The following NARS2 variants were observed in gnomAD, a reference collection of about 807,000 sequenced individuals.
NARS2 encodes the protein asparaginyl-tRNA synthetase.
Under a neutral mutation model 62.9 loss-of-function variants are expected in NARS2, and 60 were observed. The ratio of observed to expected loss-of-function variants is 0.95; its 90% CI spans 0.77 to 1.18. NARS2 has a LOEUF of 1.18. Among genes scored for constraint, NARS2 ranks in the 50% most tolerant of loss-of-function variants. The pLI is 0.00. For missense variants in NARS2, 619 were observed against 576.4 expected (o/e 1.07, Z -0.76); for synonymous variants, 196 against 200.0 (o/e 0.98, Z 0.17).
chr11:78,495,616 T>C (rs1180009880), intron 6 of NARS2, among the ~76,000 whole-genome samples: 3 of 152,200 alleles, frequency 2.0e-5, no homozygotes, highest in Admixed American at 6.5e-5. Context: ...TGAGTACTAA[T>C]GATGATGACA....
intron 13 of NARS2, among the ~76,000 whole-genome samples, chr11:78,439,329 G>T (rs571731023): frequency 6.6e-6 from 1 of 152,042 alleles, no homozygotes; most frequent in Non-Finnish European, 1.5e-5. Flanking sequence ...GTGAGCCACC[G>T]CACCCACGGT....
intron 7 of NARS2, among the ~76,000 whole-genome samples, chr11:78,489,966 G>C (rs1859745670): frequency 6.6e-6 from 1 of 152,068 alleles, no homozygotes; most frequent in Admixed American, 6.6e-5. Flanking sequence ...TGAGCCCCAG[G>C]AGTTCATGGC....
In NARS2 at chr11:78,477,782, T is replaced by C. The variant is rs11237517; in HGVS notation, c.959+656A>G. ...TCTCCTCCTGAGAAAGAAGGAATTCTGCCAGCAGACTGCCTTTGGACTTGA... is the reference window on the plus strand; with the variant it reads ...TCTCCTCCTGAGAAAGAAGGAATTCCGCCAGCAGACTGCCTTTGGACTTGA... On this transcript the variant is annotated intron_variant, in intron 9 of 13. Transcript: ENST00000281038. Among the ~76,000 whole-genome samples, 85 of 152,358 alleles carry C rather than the reference T, an allele frequency of 5.6e-4. 1 individual carries two copies. In the East Asian group the frequency reaches 0.016, roughly 29 times the overall value.
intron 5 of NARS2, among the ~76,000 whole-genome samples, chr11:78,549,470 A>G (rs1013907078): frequency 7.2e-5 from 11 of 152,222 alleles, no homozygotes; most frequent in African/African-American, 2.2e-4. Flanking sequence ...GCTCTCCAGA[A>G]TAGTGGTGGT....
At chr11:78,482,059 A>G (rs1300775274) in intron 7 of NARS2, among the ~76,000 whole-genome samples, 2 of 152,190 alleles carry the variant, frequency 1.3e-5, no homozygotes, top group Non-Finnish European at 2.9e-5. Flanking sequence ...GACTCATGAA[A>G]TTAGTCAGAA....
chr11:78,551,860 A>C (rs1382833561), intron 5 of NARS2, among the ~76,000 whole-genome samples: 2 of 152,020 alleles, frequency 1.3e-5, no homozygotes, highest in South Asian at 2.1e-4. Context: ...TCAAAAAAAA[A>C]CAAAAAACAA....
At position 78,478,680 on chromosome 11, in the gene NARS2, T is replaced by G. The variant is rs778276341; in HGVS notation, c.826A>C (p.Ile276Leu). The G allele has an allele frequency of 2.5e-6, 4 of 1,599,160 alleles. No homozygotes were observed. In the South Asian group the frequency reaches 4.5e-5, roughly 18 times the overall value. ...GTTGTAGCCTTGAACAGTTCCTCTATAACCTAAGAGAAATGAAATAGAATC... is the reference window on the plus strand; with the variant it reads ...GTTGTAGCCTTGAACAGTTCCTCTAGAACCTAAGAGAAATGAAATAGAATC... ...VDSLQDLMQV[I>L]EELFKATTMM... is the part of the protein sequence containing the mutation. Residue 276 changes from isoleucine to leucine, a missense_variant, in exon 8 of 14, where the codon ATA becomes CTA. Ile to Leu is a conservative substitution (Grantham distance 5). Coordinates refer to ENST00000281038, the MANE Select transcript of NARS2 (RefSeq NM_024678.6).
intron 3 of NARS2, among the ~76,000 whole-genome samples, chr11:78,566,474 T>G (rs962542942): frequency 1.3e-5 from 2 of 152,238 alleles, no homozygotes; most frequent in African/African-American, 2.4e-5. Context: ...CATGTAGGTT[T>G]GAATCTAGCT....
At chr11:78,484,839 T>A (rs187040921) in intron 7 of NARS2, among the ~76,000 whole-genome samples, 1 of 152,294 alleles carries the variant, frequency 6.6e-6, no homozygotes, top group African/African-American at 2.4e-5. Context: ...TTCTCAAGAA[T>A]CTAGAACCAG....
chr11:78,465,215 C>A (rs995708381), intron 11 of NARS2, among the ~76,000 whole-genome samples: 2 of 152,252 alleles, frequency 1.3e-5, no homozygotes, highest in Admixed American at 1.3e-4. Context: ...CCCGCCGAGC[C>A]CACACCCACC....
At position 78,531,143 on chromosome 11, in the gene NARS2, G is replaced by C. The variant is rs1367857335; in HGVS notation, c.595-2207C>G. Among the ~76,000 whole-genome samples, 3 of 152,100 alleles carry C rather than the reference G, an allele frequency of 2.0e-5. No homozygotes were observed. In the East Asian group the frequency reaches 5.8e-4, roughly 29 times the overall value. Reference sequence around the variant, plus strand: ...CACAGAAAAATAAAAGAAAAAAAATGAACAAAACTGTCAGAATCAATTGTG... The same window carrying C: ...CACAGAAAAATAAAAGAAAAAAAATCAACAAAACTGTCAGAATCAATTGTG... On this transcript the variant is annotated intron_variant, in intron 5 of 13. Coordinates refer to ENST00000281038, the MANE Select transcript of NARS2 (RefSeq NM_024678.6).
At chr11:78,535,619 G>A (rs1304240128) in intron 5 of NARS2, among the ~76,000 whole-genome samples, 1 of 151,168 alleles carries the variant, frequency 6.6e-6, no homozygotes, top group Non-Finnish European at 1.5e-5. Flanking sequence ...AACATTCAGA[G>A]ATCCAGAAAG....
intron 5 of NARS2, among the ~76,000 whole-genome samples, chr11:78,530,627 C>T (rs1472504811): frequency 6.6e-6 from 1 of 152,184 alleles, no homozygotes; most frequent in African/African-American, 2.4e-5. Context: ...CATTGGCCAA[C>T]ATGCCCAGCT....
intron 6 of NARS2, among the ~76,000 whole-genome samples, chr11:78,505,734 G>C (rs1457764147): frequency 3.3e-5 from 5 of 151,910 alleles, no homozygotes; most frequent in African/African-American, 7.3e-5. Flanking sequence ...AGACTAGCAG[G>C]GTCTTCCCTG....
At chr11:78,484,385 C>T (rs1859485137) in intron 7 of NARS2, among the ~76,000 whole-genome samples, 1 of 152,072 alleles carries the variant, frequency 6.6e-6, no homozygotes, top group Non-Finnish European at 1.5e-5. Flanking sequence ...CCAAAATTGA[C>T]AAATGGAATC....
intron 7 of NARS2, among the ~76,000 whole-genome samples, chr11:78,479,934 T>C (rs919924556): frequency 6.6e-6 from 1 of 152,242 alleles, no homozygotes; most frequent in Non-Finnish European, 1.5e-5. Flanking sequence ...GGTCTTGCTC[T>C]GTCACCCAGG....
intron 5 of NARS2, among the ~76,000 whole-genome samples, chr11:78,545,861 T>C (rs1446866497): frequency 6.6e-6 from 1 of 152,156 alleles, no homozygotes; most frequent in Non-Finnish European, 1.5e-5. Context: ...TGAACATCTT[T>C]TCAGTAAAGC....
intron 6 of NARS2, among the ~76,000 whole-genome samples, chr11:78,494,283 T>C (rs766907030): frequency 2.0e-5 from 3 of 152,194 alleles, no homozygotes; most frequent in Admixed American, 6.5e-5. Context: ...GTAATAAATA[T>C]TTCTTGAGGA....
chr11:78,493,108 T>C lies in NARS2; in HGVS notation c.777A>G (p.Ile259Met), dbSNP rs767458915. The change falls in exon 7 of 14, where the codon ATA (isoleucine) becomes ATG (methionine). Residue 259 changes from isoleucine to methionine, a missense_variant. Physicochemically the swap from Ile to Met is conservative, Grantham distance 10. Transcript: ENST00000281038. ...SRRHLAEFYM[I>M]EAEISFVDSL... ...TGTCAACAAAAGAAATCTCTGCTTCTATCATATAAAACTCTGCCAGGTGCC... is the reference window on the plus strand; with the variant it reads ...TGTCAACAAAAGAAATCTCTGCTTCCATCATATAAAACTCTGCCAGGTGCC... 2 of 1,614,036 alleles carry C rather than the reference T, an allele frequency of 1.2e-6. No homozygotes were observed. Among genetic ancestry groups the C allele is most frequent in the South Asian group, 1.1e-5 (1 of 91,084 alleles).
Sources: allele counts gnomAD v4.1 joint callset (sites outside exome capture counted in the v4.1 genomes callset), GRCh38; gene constraint gnomAD v4.1.1; transcripts MANE v1.5; gene names NCBI Gene and HGNC (gene_info 2026-07-23, HGNC 2026-07-21).